PLCH2: variants seen among roughly 807,000 people sequenced by gnomAD.
The protein encoded by PLCH2 is phospholipase C eta 2, also known as 1-phosphatidylinositol 4,5-bisphosphate phosphodiesterase eta-2.
PLCH2 carries 98 observed loss-of-function variants against 134.7 expected under a neutral mutation model. The ratio of observed to expected loss-of-function variants is 0.73; its 90% CI spans 0.62 to 0.86. The LOEUF (loss-of-function observed/expected upper bound fraction) is 0.86. Among genes scored for constraint, PLCH2 ranks in the 40% least tolerant of loss-of-function variants. The pLI, the probability that PLCH2 is intolerant of heterozygous loss-of-function variation, is 0.00. For synonymous variants in PLCH2, 974 were observed against 827.5 expected, an observed-to-expected ratio of 1.18 and a Z score of -3.04; for missense variants, 1,994 against 1,986.6, an observed-to-expected ratio of 1.00 and a Z score of -0.07.
the PLCH2 span, among the ~76,000 whole-genome samples, chr1:2,416,412 CGG>C: frequency 4.0e-5 from 6 of 149,532 alleles, no homozygotes; most frequent in African/African-American, 1.5e-4. Flanking sequence ...CTGTAGGGTG[CGG>C]CCCTCGGGAA....
upstream of PLCH2, among the ~76,000 whole-genome samples, chr1:2,471,368 G>T (rs142165921): frequency 6.6e-6 from 1 of 152,350 alleles, no homozygotes; most frequent in East Asian, 1.9e-4. Context: ...GGCTGCACTG[G>T]GGGAAGGTAC....
At chr1:2,465,393 A>T (rs966304063), upstream of PLCH2, among the ~76,000 whole-genome samples, 9 of 152,190 alleles carry the variant, frequency 5.9e-5, no homozygotes, top group African/African-American at 2.2e-4. Context: ...CGGCCAAGGC[A>T]GAAGCTGGGT....
chr1:2,452,985 G>A (rs930573821), intron 2 of PLCH2, among the ~76,000 whole-genome samples: 3 of 152,118 alleles, frequency 2.0e-5, no homozygotes, highest in Non-Finnish European at 4.4e-5. Context: ...ATCCATTCCC[G>A]GTGGGGGCGC....
chr1:2,432,934 C>T (rs779676096), intron 2 of PLCH2, among the ~76,000 whole-genome samples: 8 of 152,190 alleles, frequency 5.3e-5, no homozygotes, highest in South Asian at 4.1e-4. Flanking sequence ...GGTGCACACA[C>T]GGGCTGGGTG....
At position 2,494,954 on chromosome 1, in the gene PLCH2, G is replaced by C; in HGVS notation, c.1752+6G>C. On this transcript the variant is annotated splice_donor_region_variant and intron_variant, in intron 12 of 21. Transcript: ENST00000378486. ...GAAGCTTCTCCAGGCGCAAGGTCCG[G>C]CGCAGCTCCCAGGCCAGGGTCCCGG... The C allele has an allele frequency of 6.3e-7, 1 of 1,576,904 alleles. No individual in the cohort carries two copies. Among genetic ancestry groups the C allele is most frequent in the Non-Finnish European group, 8.6e-7 (1 of 1,164,102 alleles).
At chr1:2,473,704 C>G (rs1282887945), upstream of PLCH2, among the ~76,000 whole-genome samples, 1 of 152,234 alleles carries the variant, frequency 6.6e-6, no homozygotes, top group Non-Finnish European at 1.5e-5. Context: ...TTCGAGGTCC[C>G]TGCCCCAGGG....
rs534406517 is a variant in PLCH2 at position 2,444,631 on chromosome 1, T to G, written c.115+14002T>G. On this transcript the variant is annotated intron_variant, in intron 2 of 3. Coordinates refer to the PLCH2 transcript ENST00000609981. This position sits in a 1 kb window ranked among gnomAD's most constrained non-coding sequence, Gnocchi z 4.6. ...GGGAGATGGGCTCTGCTGGAGCTGGTGGAGGAAGATGCCAAGGAGATAAGA... is the reference window on the plus strand; with the variant it reads ...GGGAGATGGGCTCTGCTGGAGCTGGGGGAGGAAGATGCCAAGGAGATAAGA... 1.3e-5 allele frequency among the ~76,000 whole-genome samples: 2 copies of G among 152,134 alleles called. No homozygotes were observed. Among genetic ancestry groups the G allele is most frequent in the Admixed American group, 6.5e-5 (1 of 15,296 alleles).
At chr1:2,480,046 G>C in intron 3 of PLCH2, 69 bp downstream of exon 3, 1 of 1,582,354 alleles carries the variant, frequency 6.3e-7, no homozygotes, top group Non-Finnish European at 8.6e-7. Flanking sequence ...CCCTGGGGGG[G>C]CCTGTCCTTT....
At chr1:2,437,803 A>G (rs758543784) in intron 2 of PLCH2, among the ~76,000 whole-genome samples, 1 of 152,166 alleles carries the variant, frequency 6.6e-6, no homozygotes, top group Non-Finnish European at 1.5e-5. Context: ...AGGGAAACAC[A>G]TGTGTACATA....
At chr1:2,459,378 CGGTGGTCCTCCTTCCT>C (rs1640661552) in intron 2 of PLCH2, among the ~76,000 whole-genome samples, 4 of 129,622 alleles carry the variant, frequency 3.1e-5, no homozygotes, top group Non-Finnish European at 4.9e-5. Context: ...TCCTCCTTGC[CGGTGGTCCTCCTTCCT>C]GGTGGTTCTC....
At chr1:2,421,848 C>T (rs1405460328), upstream of PLCH2, among the ~76,000 whole-genome samples, 1 of 151,630 alleles carries the variant, frequency 6.6e-6, no homozygotes, top group African/African-American at 2.4e-5. Context: ...GTGGCGCATG[C>T]CTGTAATCTC....
At position 2,481,384 on chromosome 1, in the gene PLCH2, GC is replaced by G. The variant is rs1481260640; in HGVS notation, c.645+1076del. Among the ~76,000 whole-genome samples the G allele has an allele frequency of 3.9e-5, 6 of 152,354 alleles. No homozygotes were observed. The South Asian group carries it at 1.2e-3, about 32-fold the overall frequency. Reference sequence around the variant, plus strand: ...CAGGTGGCTGAGTCTGCATGTCTGCGCCCCTTCTCCCTGCCTGCCTGGGGCC... The same window carrying G: ...CAGGTGGCTGAGTCTGCATGTCTGCGCCCTTCTCCCTGCCTGCCTGGGGCC... On this transcript the variant is annotated intron_variant, in intron 4 of 21. Transcript: ENST00000378486.
upstream of PLCH2, among the ~76,000 whole-genome samples, chr1:2,421,562 T>C (rs1490401558): frequency 6.6e-6 from 1 of 152,238 alleles, no homozygotes; most frequent in Admixed American, 6.5e-5. Flanking sequence ...GGAAATGCCG[T>C]ATGATACTGT....
intron 5 of PLCH2, among the ~76,000 whole-genome samples, chr1:2,486,403 G>A (rs1399555517): frequency 6.6e-6 from 1 of 152,222 alleles, no homozygotes; most frequent in Admixed American, 6.5e-5. Flanking sequence ...TGGCCCAGCT[G>A]CACCATAGCG....
chr1:2,472,419 G>T (rs545325125), upstream of PLCH2, among the ~76,000 whole-genome samples: 4 of 152,342 alleles, frequency 2.6e-5, no homozygotes, highest in Admixed American at 1.3e-4. Flanking sequence ...CAGCACGGGA[G>T]GGGGATGCTG....
intron 2 of PLCH2, among the ~76,000 whole-genome samples, chr1:2,435,041 A>C (rs1639260357): frequency 6.6e-6 from 1 of 152,110 alleles, no homozygotes; most frequent in Admixed American, 6.5e-5. Flanking sequence ...CGGGCAGAAC[A>C]CCGGGGCGCA....
intron 1 of PLCH2, among the ~76,000 whole-genome samples, chr1:2,477,791 C>T (rs531994056): frequency 6.6e-6 from 1 of 152,308 alleles, no homozygotes; most frequent in South Asian, 2.1e-4. Flanking sequence ...CAGTGCAGGG[C>T]GTGCGACGCA....
At position 2,504,833 on chromosome 1, in the gene PLCH2, G is replaced by C; in HGVS notation, c.3871G>C (p.Gly1291Arg). The change falls in exon 22 of 22, where the codon GGG (glycine) becomes CGG (arginine). Residue 1291 changes from glycine (G) to arginine (R), a missense_variant. Physicochemically the swap from Gly to Arg is moderately radical, Grantham distance 125 (BLOSUM62 -2). Coordinates refer to ENST00000378486, the MANE Select transcript of PLCH2 (RefSeq NM_014638.4). The part of the protein sequence containing the change: ...GLPGGTRRVS[G>R]PGVRRDTLTE... ...CCCGGGAGGGACACGGCGGGTGTCG[G>C]GGCCAGGGGTGAGACGGGACACCCT... is the stretch of plus-strand genomic sequence containing the variant. 2.5e-6 allele frequency: 4 copies of C among 1,607,746 alleles called. No homozygotes were observed. Among genetic ancestry groups the C allele is most frequent in the Non-Finnish European group, 3.4e-6 (4 of 1,177,872 alleles).
the PLCH2 span, among the ~76,000 whole-genome samples, chr1:2,419,450 C>G: frequency 6.6e-6 from 1 of 152,146 alleles, no homozygotes; most frequent in African/African-American, 2.4e-5. Context: ...CGGAGCTGGT[C>G]CACACTCTGA....
Sources: gnomAD v4.1 joint callset for allele counts (sites outside exome capture counted in the v4.1 genomes callset) on GRCh38, gnomAD v4.1.1 for gene constraint, Gnocchi (gnomAD v3.1) non-coding constraint, MANE v1.5 for transcripts, NCBI Gene and HGNC (gene_info 2026-07-23, HGNC 2026-07-21) for gene names.